PRKCE: variants seen among roughly 807,000 people sequenced by gnomAD.
The protein encoded by PRKCE is protein kinase C epsilon.
A neutral mutation model predicts 85.4 loss-of-function variants in PRKCE; 16 were observed. That is an observed-to-expected ratio of 0.19 (90% CI 0.13 to 0.28). PRKCE has a LOEUF of 0.28. PRKCE is among the 10% of genes least tolerant of loss of function. The pLI is 1.00. For synonymous variants in PRKCE, 388 were observed against 371.5 expected (o/e 1.04, Z -0.51); for missense variants, 573 against 975.2 (o/e 0.59, Z 5.49).
At chr2:46,084,445 C>T (rs1055090460) in intron 10 of PRKCE, among the ~76,000 whole-genome samples, 6 of 152,068 alleles carry the variant, frequency 3.9e-5, no homozygotes, top group Non-Finnish European at 5.9e-5. Flanking sequence ...AAATGTGAGC[C>T]GGGCACGGTG....
intron 2 of PRKCE, among the ~76,000 whole-genome samples, chr2:45,854,227 G>A (rs551287051): frequency 3.2e-4 from 48 of 152,292 alleles, no homozygotes; most frequent in African/African-American, 7.2e-4. Flanking sequence ...TTGCTGAGCC[G>A]GGAGCACCAT....
In PRKCE at chr2:46,004,429, C is replaced by A; in HGVS notation, c.967-113C>A. 1 of 890,594 alleles carries A rather than the reference C, an allele frequency of 1.1e-6. No individual in the cohort carries two copies. The highest frequency in any genetic ancestry group is 1.7e-6 in the Non-Finnish European group (1 of 572,174). The allele number at this position is 890,594 out of a possible 1,614,324, so 55.2% of individuals were successfully genotyped here. On this transcript the variant is annotated intron_variant, in intron 7 of 14. Transcript: ENST00000306156. This position sits in a 1 kb window ranked among gnomAD's most constrained non-coding sequence, Gnocchi z 4.1. ...AAGAGGACAGAGATCTACTGAATTCCTGCTGCTCTGGGAACTCTCATGGCT... is the reference window on the plus strand; with the variant it reads ...AAGAGGACAGAGATCTACTGAATTCATGCTGCTCTGGGAACTCTCATGGCT...
At chr2:45,877,463 C>A (rs944991193) in intron 2 of PRKCE, among the ~76,000 whole-genome samples, 2 of 151,932 alleles carry the variant, frequency 1.3e-5, no homozygotes, top group Admixed American at 1.3e-4. Flanking sequence ...CCATCTTTTT[C>A]TTTCCATAGT....
At chr2:45,723,516 T>C (rs1328544378) in intron 1 of PRKCE, among the ~76,000 whole-genome samples, 2 of 152,250 alleles carry the variant, frequency 1.3e-5, no homozygotes, top group African/African-American at 4.8e-5. Context: ...GCCCTGCTAA[T>C]AGTCACGATT....
intron 1 of PRKCE, among the ~76,000 whole-genome samples, chr2:45,829,296 T>C (rs1036147289): frequency 6.6e-6 from 1 of 152,216 alleles, no homozygotes; most frequent in Non-Finnish European, 1.5e-5. Context: ...CAGCGTATAA[T>C]AGTGTTTGTT....
At chr2:45,751,554 CA>C in intron 1 of PRKCE, among the ~76,000 whole-genome samples, 1 of 151,980 alleles carries the variant, frequency 6.6e-6, no homozygotes, top group African/African-American at 2.4e-5. Context: ...CTAATCAGGT[CA>C]AAAAAGTCAA....
At chr2:45,776,058 C>G (rs1403294046) in intron 1 of PRKCE, among the ~76,000 whole-genome samples, 2 of 152,228 alleles carry the variant, frequency 1.3e-5, no homozygotes, top group Non-Finnish European at 2.9e-5. Flanking sequence ...GCCCTTCCCC[C>G]ATCCTGATCT....
intron 6 of PRKCE, among the ~76,000 whole-genome samples, chr2:45,988,260 A>G (rs750158038): frequency 7.9e-5 from 12 of 152,200 alleles, no homozygotes; most frequent in Non-Finnish European, 1.8e-4. Context: ...AATAGATTAC[A>G]GTATTTTCAG....
rs550379936 is a variant in PRKCE at position 46,041,815 on chromosome 2, G to A, written c.1437+31298G>A. On this transcript the variant is annotated intron_variant, in intron 10 of 14. Transcript: ENST00000306156. This position sits in a 1 kb window ranked among gnomAD's most constrained non-coding sequence, Gnocchi z 5.5. ...AATTTGCCCTAAAACTGTTCTGCAC[G>A]GCCAACAATTTGATGTTGAAAAAAC... Among the ~76,000 whole-genome samples the A allele has an allele frequency of 3.9e-5, 6 of 152,238 alleles. No individual in the cohort carries two copies. The highest frequency in any genetic ancestry group is 4.1e-4 in the South Asian group (2 of 4,824).
intron 2 of PRKCE, among the ~76,000 whole-genome samples, chr2:45,890,923 G>A (rs1171468641): frequency 2.6e-5 from 4 of 152,192 alleles, no homozygotes; most frequent in Non-Finnish European, 5.9e-5. Flanking sequence ...GCATGGTCTA[G>A]TTGGACCTTG....
At chr2:45,870,552 C>G (rs1694009248) in intron 2 of PRKCE, among the ~76,000 whole-genome samples, 2 of 152,188 alleles carry the variant, frequency 1.3e-5, no homozygotes, top group Non-Finnish European at 2.9e-5. Flanking sequence ...TTCTCTTGCT[C>G]TCTCATCAGC....
intron 6 of PRKCE, among the ~76,000 whole-genome samples, chr2:45,998,157 T>TATTCAGTTGATTAATGTTGCTGTTG (rs1347696698): frequency 6.6e-6 from 1 of 152,230 alleles, no homozygotes; most frequent in African/African-American, 2.4e-5. Flanking sequence ...ATGTCAGTTA[T>TATTCAGTTGATTAATGTTGCTGTTG]ATTCAGTTGA....
chr2:45,996,165 G>C (rs1704199669), intron 6 of PRKCE, among the ~76,000 whole-genome samples: 3 of 151,994 alleles, frequency 2.0e-5, no homozygotes, highest in African/African-American at 7.2e-5. Flanking sequence ...TTTGTTCATT[G>C]CTGGTGTATA....
chr2:46,035,405 A>G (rs755418152), intron 10 of PRKCE, among the ~76,000 whole-genome samples: 3 of 152,236 alleles, frequency 2.0e-5, no homozygotes, highest in Non-Finnish European at 4.4e-5. Context: ...TGACTAGACC[A>G]TACCCCAGGG....
Position 45,866,936 on chromosome 2 carries a change from A to G in PRKCE, c.412+23873A>G, listed in dbSNP as rs548122232. On this transcript the variant is annotated intron_variant, in intron 2 of 14. Transcript: ENST00000306156. ...GAGCTCTTGGGGTTCATTATCCTTTATTGTCTACCTTCATATGTCTTTAAC... is the reference window on the plus strand; with the variant it reads ...GAGCTCTTGGGGTTCATTATCCTTTGTTGTCTACCTTCATATGTCTTTAAC... Among the ~76,000 whole-genome samples, 356 of 152,274 alleles carry G rather than the reference A, an allele frequency of 2.3e-3. 1 individual carries two copies. The Middle Eastern group carries it at 0.027, about 12-fold the overall frequency.
chr2:45,889,198 C>T (rs933595326), intron 2 of PRKCE, among the ~76,000 whole-genome samples: 1 of 152,122 alleles, frequency 6.6e-6, no homozygotes, highest in Admixed American at 6.5e-5. Flanking sequence ...GGGAGGGAAA[C>T]ACGCTGTGGG....
At chr2:46,046,724 C>T (rs768147526) in intron 10 of PRKCE, among the ~76,000 whole-genome samples, 9 of 152,096 alleles carry the variant, frequency 5.9e-5, no homozygotes, top group South Asian at 2.1e-4. Flanking sequence ...AACATGATAG[C>T]GCTGCCCTTA....
At chr2:45,776,423 G>T (rs1685753638) in intron 1 of PRKCE, among the ~76,000 whole-genome samples, 1 of 152,200 alleles carries the variant, frequency 6.6e-6, no homozygotes, top group African/African-American at 2.4e-5. Context: ...TGCTCCTGAA[G>T]AGAACAAATA....
intron 2 of PRKCE, among the ~76,000 whole-genome samples, chr2:45,891,915 G>A (rs1015891564): frequency 7.2e-5 from 11 of 152,138 alleles, no homozygotes; most frequent in South Asian, 4.1e-4. Context: ...AGTGGCTCCC[G>A]TCCCCACGTC....
Sources: gnomAD v4.1 joint callset for allele counts (sites outside exome capture counted in the v4.1 genomes callset) on GRCh38, gnomAD v4.1.1 for gene constraint, Gnocchi (gnomAD v3.1) non-coding constraint, MANE v1.5 for transcripts, NCBI Gene and HGNC (gene_info 2026-07-23, HGNC 2026-07-21) for gene names.